The following SLC4A2 variants were observed in gnomAD, a reference collection of about 807,000 sequenced individuals.
SLC4A2 encodes anion exchange protein 2.
A neutral mutation model predicts 115.0 loss-of-function variants in SLC4A2; 36 were observed. That is an observed-to-expected ratio of 0.31 (90% CI 0.24 to 0.41). SLC4A2 has a LOEUF of 0.41. Ranked by LOEUF, SLC4A2 falls within the 10% of genes least tolerant of loss-of-function variation. SLC4A2 has a pLI of 1.00. For missense variants in SLC4A2, 1,252 were observed against 1,705.6 expected (o/e 0.73, Z 4.68); for synonymous variants, 708 against 708.3 (o/e 1.00, Z 0.01).
In SLC4A2 at chr7:151,067,089, C is replaced by T. The variant is rs1321095172; in HGVS notation, c.966+96C>T. On this transcript the variant is annotated intron_variant, in intron 7 of 22. Coordinates refer to ENST00000413384, the MANE Select transcript of SLC4A2 (RefSeq NM_003040.4). Reference sequence around the variant, plus strand: ...GTAATCTCAAGCCTCAGGGTTGCCACTGTTGTTTTGTTGTTGTTTGAGACA... The same window carrying T: ...GTAATCTCAAGCCTCAGGGTTGCCATTGTTGTTTTGTTGTTGTTTGAGACA... 7.7e-5 allele frequency: 102 copies of T among 1,321,206 alleles called. 3 individuals are homozygous for T. The highest frequency in any genetic ancestry group is 3.4e-4 in the South Asian group (24 of 70,226). 81.8% of individuals were successfully genotyped at this position (1,321,206 alleles called of 1,614,324 possible).
At chr7:151,058,617 A>G (rs1426032444), upstream of SLC4A2, 2 of 152,284 alleles carry the variant, frequency 1.3e-5, no homozygotes. Flanking sequence ...GAACTCTGAC[A>G]TGCTGAGGAA....
intron 2 of SLC4A2, chr7:151,063,193 G>A (rs1280362876): frequency 4.1e-5 from 59 of 1,441,398 alleles, no homozygotes; most frequent in Non-Finnish European, 5.4e-5. Context: ...GACTCAGGTG[G>A]GGGCTGTGGG....
rs199537782 is a variant in SLC4A2 at position 151,066,534 on chromosome 7, C to A, written c.596C>A (p.Ala199Glu). 2.7e-6 allele frequency: 4 copies of A among 1,503,768 alleles called. No homozygotes were observed. Among genetic ancestry groups the A allele is most frequent in the Non-Finnish European group, 3.5e-6 (4 of 1,133,850 alleles). The allele number at this position is 1,503,768 out of a possible 1,614,324, so 93.2% of individuals were successfully genotyped here. A position where few individuals can be genotyped will look rare whatever the true frequency, so the allele number is the denominator to read the frequency against. The change falls in exon 6 of 23, where the codon GCG (alanine) becomes GAG (glutamate). Residue 199 changes from alanine to glutamate, a missense_variant. By Grantham distance (107) the Ala-to-Glu change is moderately radical. Around this residue, in one of 14 missense-constraint regions of SLC4A2, gnomAD observed 215 missense variants for 205.2 expected, o/e 1.05. Transcript: ENST00000413384. ...GAQAGTQVEE[A>E]EAEAVAVASG... ...CTGCCTAGAACCCAGGTGGAGGAGG[C>A]GGAGGCGGAGGCGGTGGCGGTGGCC...
chr7:151,066,458 T>C, intron 5 of SLC4A2, 59 bp from the exon 6 acceptor site: 1 of 1,451,008 alleles, frequency 6.9e-7, no homozygotes. Context: ...CCTGCGTGGG[T>C]GCTGGGCGTG....
chr7:151,074,356 G>C (rs752573539), intron 17 of SLC4A2, 43 bp from the exon 18 acceptor site: 2 of 1,611,724 alleles, frequency 1.2e-6, no homozygotes, highest in African/African-American at 2.7e-5. Flanking sequence ...GGAAGTCAGC[G>C]GCTGTGGTGG....
rs1797590473 is a variant in SLC4A2, at chr7:151,075,427, G to A, written c.3220G>A (p.Ala1074Thr). 1.2e-6 allele frequency: 2 copies of A among 1,606,660 alleles called. No individual in the cohort carries two copies. Among genetic ancestry groups the A allele is most frequent in the Admixed American group, 1.7e-5 (1 of 60,002 alleles). The change falls in exon 20 of 23, where the codon GCT (alanine) becomes ACT (threonine). Residue 1074 changes from alanine (A) to threonine (T), a missense_variant. By Grantham distance (58) the Ala-to-Thr change is moderately conservative. This residue lies in a region of SLC4A2 where 253 missense variants were observed against 407.4 expected (regional missense o/e 0.62). Transcript: ENST00000413384. ...HANALTVMSK[A>T]VAPGDKPKIQ... The stretch of plus-strand genomic sequence containing the variant: ...CAACGCGCTCACTGTCATGAGCAAG[G>A]CTGTGGCACCTGGGGACAAGCCCAA...
chr7:151,067,000 T>G lies in SLC4A2; in HGVS notation c.966+7T>G. 1.3e-6 allele frequency: 2 copies of G among 1,583,448 alleles called. No individual in the cohort carries two copies. The highest frequency in any genetic ancestry group is 1.7e-6 in the Non-Finnish European group (2 of 1,167,444). On this transcript the variant is annotated splice_region_variant and intron_variant, in intron 7 of 22. Coordinates refer to ENST00000413384, the MANE Select transcript of SLC4A2 (RefSeq NM_003040.4). ...CCCCCACAAGCCCCATGAGGTACCA[T>G]GCTCTGCTTCATGCTCTTCCATCAA...
intron 16 of SLC4A2, among the ~76,000 whole-genome samples, chr7:151,073,201 G>A (rs528337623): frequency 6.6e-6 from 1 of 152,222 alleles, no homozygotes; most frequent in South Asian, 2.1e-4. Flanking sequence ...CTCCTGCCTT[G>A]ACCTCCCAAA....
chr7:151,072,085 C>A lies in SLC4A2; in HGVS notation c.2484C>A (p.Ala828=). 1 of 1,614,108 alleles carries A rather than the reference C, an allele frequency of 6.2e-7. No homozygotes were observed. Among genetic ancestry groups the A allele is most frequent in the South Asian group, 1.1e-5 (1 of 91,074 alleles). ...CCCGCTTCACCCAGGAGATCTTCGC[C>A]TTCTTGATCTCACTCATCTTCATCT... ...FVSRFTQEIF[A]FLISLIFIYE... The change falls in exon 16 of 23, where the codon GCC becomes GCA. Residue 828 remains alanine, a synonymous_variant. Coordinates refer to ENST00000413384, the MANE Select transcript of SLC4A2 (RefSeq NM_003040.4).
chr7:151,075,739 G>A lies in SLC4A2; in HGVS notation c.3435G>A (p.Pro1145=), dbSNP rs774486594. The A allele has an allele frequency of 2.8e-5, 45 of 1,609,502 alleles. No individual in the cohort carries two copies. The highest frequency in any genetic ancestry group is 3.3e-5 in the Non-Finnish European group (39 of 1,176,422). The change falls in exon 21 of 23, where the codon CCG becomes CCA. Residue 1145 remains proline, a synonymous_variant. Transcript: ENST00000413384. ...AGCGGCTGCATCTGCTGCTCATGCC[G>A]CCCAAACACCACCCAGATGTCACTT... ...FYERLHLLLM[P]PKHHPDVTYV...
rs949622770 is a variant in SLC4A2, at chr7:151,064,742, C to T, written c.434C>T (p.Pro145Leu). Residue 145 changes from proline to leucine, a missense_variant, in exon 4 of 23, where the codon CCT (proline) becomes CTT (leucine). Coordinates refer to ENST00000413384, the MANE Select transcript of SLC4A2 (RefSeq NM_003040.4). ...GCCCGGGCTCTCACTCAGCCGTCCC[C>T]TGTCTCCACACCCTCCTCGGTGCAG... ...EGARALTQPS[P>L]VSTPSSVQFF... 4.3e-6 allele frequency: 7 copies of T among 1,610,768 alleles called. No homozygotes were observed. Among genetic ancestry groups the T allele is most frequent in the Admixed American group, 3.3e-5 (2 of 59,872 alleles).
In SLC4A2 at chr7:151,071,619, T is replaced by G; in HGVS notation, c.2191+14T>G. 2 of 1,613,704 alleles carry G rather than the reference T, an allele frequency of 1.2e-6. No individual in the cohort carries two copies. Among genetic ancestry groups the G allele is most frequent in the Non-Finnish European group, 1.7e-6 (2 of 1,179,914 alleles). The stretch of plus-strand genomic sequence containing the variant: ...GGGGGCTGCTGGGTGAGGAGAGCCT[T>G]CAGGTAGGGGGCGGCGGGGACTGCC... On this transcript the variant is annotated intron_variant, in intron 14 of 22. Transcript: ENST00000413384. This position sits in a 1 kb window ranked among gnomAD's most constrained non-coding sequence, Gnocchi z 5.5.
rs898974391 is a variant in SLC4A2, at chr7:151,070,475, G to A, written c.1468G>A (p.Ala490Thr). 2 of 1,613,054 alleles carry A rather than the reference G, an allele frequency of 1.2e-6. No individual in the cohort carries two copies. Among genetic ancestry groups the A allele is most frequent in the Admixed American group, 1.7e-5 (1 of 59,938 alleles). Residue 490 changes from alanine to threonine, a missense_variant, in exon 11 of 23, where the codon GCA becomes ACA. By Grantham distance (58) the Ala-to-Thr change is moderately conservative (BLOSUM62 0). Coordinates refer to ENST00000413384, the MANE Select transcript of SLC4A2 (RefSeq NM_003040.4). ...CCCCCAGCGTGAGCTGCCGCCTCCA[G>A]CACCACCAGCTGGCATCACCCGCTC... The part of the protein sequence containing the change: ...VERERELPPP[A>T]PPAGITRSKS...
rs1377355203 is a variant in SLC4A2, at chr7:151,070,276, A to T, written c.1379A>T (p.Glu460Val). The change falls in exon 10 of 23, where the codon GAG becomes GTG. Residue 460 changes from glutamate (E) to valine (V), a missense_variant. Glu to Val is a moderately radical substitution (Grantham distance 121, BLOSUM62 -2). This residue lies in a region of SLC4A2 where 142 missense variants were observed against 153.5 expected (regional missense o/e 0.93). Coordinates refer to ENST00000413384, the MANE Select transcript of SLC4A2 (RefSeq NM_003040.4). ...GGGCATCACCATGGTCAGGGGGCTG[A>T]GAGTGACCCCCACGTCACCGAGCCT... ...LLGHHHGQGA[E>V]SDPHVTEPLM... 2 of 1,613,902 alleles carry T rather than the reference A, an allele frequency of 1.2e-6. No homozygotes were observed. The highest frequency in any genetic ancestry group is 1.7e-5 in the Admixed American group (1 of 60,024).
Position 151,074,784 on chromosome 7 carries a change from G to C in SLC4A2, c.2990G>C (p.Ser997Thr), listed in dbSNP as rs771291247. The C allele has an allele frequency of 3.7e-6, 6 of 1,613,158 alleles. No homozygotes were observed. In the Admixed American group the frequency reaches 5.0e-5, roughly 13 times the overall value. The change falls in exon 19 of 23, where the codon AGC becomes ACC. Residue 997 changes from serine (S) to threonine (T), a missense_variant. By Grantham distance (58) the Ser-to-Thr change is moderately conservative. Transcript: ENST00000413384. The part of the protein sequence containing the change: ...SPFPVWMMVA[S>T]LLPAILVFIL... ...TTCCCTGTGTGGATGATGGTTGCCAGCCTGCTGCCCGCCATCCTGGTCTTC... is the reference window on the plus strand; with the variant it reads ...TTCCCTGTGTGGATGATGGTTGCCACCCTGCTGCCCGCCATCCTGGTCTTC...
intron 16 of SLC4A2, 88 bp from the exon 17 acceptor site, chr7:151,073,951 C>T: frequency 2.2e-6 from 3 of 1,381,992 alleles, no homozygotes; most frequent in Non-Finnish European, 3.0e-6. Context: ...CTTTCCCCTG[C>T]CCCACCCCTT....
At chr7:151,062,199 G>T (rs561045254) in intron 2 of SLC4A2, among the ~76,000 whole-genome samples, 161 bp downstream of exon 2, 1 of 152,158 alleles carries the variant, frequency 6.6e-6, no homozygotes, top group Non-Finnish European at 1.5e-5. Flanking sequence ...TGGTCGTAGG[G>T]GGGGATGGGT....
At position 151,060,647 on chromosome 7, in the gene SLC4A2, G is replaced by C. The variant is rs1359730681; in HGVS notation, c.-64+885G>C. ...CGCGACGAGGGCACAGCCTGAGGTG[G>C]GAGTGGGCGCCTGCAGGTGCTCTGG... On this transcript the variant is annotated intron_variant, in intron 1 of 22. Coordinates refer to ENST00000413384, the MANE Select transcript of SLC4A2 (RefSeq NM_003040.4). The surrounding 1 kb of genome is among the most constrained non-coding windows in gnomAD (Gnocchi z 5.9). 6.6e-6 allele frequency among the ~76,000 whole-genome samples: 1 copy of C among 152,174 alleles called. No individual in the cohort carries two copies. Among genetic ancestry groups the C allele is most frequent in the African/African-American group, 2.4e-5 (1 of 41,422 alleles).
intron 8 of SLC4A2, 91 bp from the exon 9 acceptor site, chr7:151,069,856 C>T: frequency 6.6e-7 from 1 of 1,519,640 alleles, no homozygotes; most frequent in Non-Finnish European, 9.1e-7. Flanking sequence ...CGGCACCCAC[C>T]CACCTGTCCC....
Sources: allele counts gnomAD v4.1 joint callset (sites outside exome capture counted in the v4.1 genomes callset), GRCh38; gene constraint gnomAD v4.1.1; regional missense constraint gnomAD v4.1.1; non-coding constraint Gnocchi (gnomAD v3.1); transcripts MANE v1.5; gene names NCBI Gene and HGNC (gene_info 2026-07-23, HGNC 2026-07-21).